GMPR: variants seen among roughly 807,000 people sequenced by gnomAD.
GMPR encodes GMP reductase 1.
A neutral mutation model predicts 38.4 loss-of-function variants in GMPR; 31 were observed. The ratio of observed to expected loss-of-function variants is 0.81; its 90% CI spans 0.61 to 1.09. The LOEUF (loss-of-function observed/expected upper bound fraction) is 1.09. Among genes scored for constraint, GMPR ranks in the 50% least tolerant of loss-of-function variants. GMPR has a pLI of 0.00. For missense variants in GMPR, 468 were observed against 453.7 expected, an observed-to-expected ratio of 1.03 and a Z score of -0.29; for synonymous variants, 162 against 173.3, an observed-to-expected ratio of 0.93 and a Z score of 0.51.
At chr6:16,286,489 T>C (rs900551554) in intron 7 of GMPR, among the ~76,000 whole-genome samples, 25 of 151,342 alleles carry the variant, frequency 1.7e-4, no homozygotes, top group African/African-American at 5.1e-4. Context: ...ATGGGCGTTG[T>C]GGGTGCCGGC....
chr6:16,290,736 G>A (rs1170638807), intron 8 of GMPR, 115 bp downstream of exon 8: 1 of 882,752 alleles, frequency 1.1e-6, no homozygotes, highest in African/African-American at 1.7e-5. Flanking sequence ...CCGTGGGAAG[G>A]GGTTCTTTTT....
chr6:16,289,408 T>C (rs1044516000), intron 7 of GMPR: 3 of 152,218 alleles, frequency 2.0e-5, no homozygotes, highest in African/African-American at 7.2e-5. Flanking sequence ...TTTTCCCACG[T>C]TTTTACTTTT....
intron 4 of GMPR, among the ~76,000 whole-genome samples, chr6:16,261,883 T>C (rs1222768915): frequency 6.6e-6 from 1 of 151,758 alleles, no homozygotes; most frequent in Admixed American, 6.7e-5. Context: ...GGCTTTGGAT[T>C]GGGAAGAAGG....
chr6:16,267,414 C>A (rs1055369523), intron 4 of GMPR, among the ~76,000 whole-genome samples: 2 of 151,952 alleles, frequency 1.3e-5, no homozygotes, highest in South Asian at 2.1e-4. Context: ...TCTGTGGCTT[C>A]ACTCCTGAAG....
chr6:16,271,942 G>C (rs1219616763), intron 4 of GMPR, among the ~76,000 whole-genome samples: 2 of 152,132 alleles, frequency 1.3e-5, no homozygotes, highest in Non-Finnish European at 2.9e-5. Context: ...TGGGTGCGGT[G>C]CCTCACACCT....
chr6:16,271,323 A>C (rs918551782), intron 4 of GMPR, among the ~76,000 whole-genome samples: 20 of 152,030 alleles, frequency 1.3e-4, no homozygotes, highest in Admixed American at 1.2e-3. Context: ...CTGTCTCTAC[A>C]GAAAATACAA....
At chr6:16,265,121 TAA>T (rs966164436) in intron 4 of GMPR, among the ~76,000 whole-genome samples, 2 of 151,988 alleles carry the variant, frequency 1.3e-5, no homozygotes, top group African/African-American at 4.8e-5. Context: ...ACTTCTTTGT[TAA>T]AAAAAAGTTT....
intron 1 of GMPR, among the ~76,000 whole-genome samples, chr6:16,240,838 C>T (rs1312248378): frequency 6.6e-6 from 1 of 152,080 alleles, no homozygotes; most frequent in East Asian, 1.9e-4. Context: ...TTTTTATGTT[C>T]GTGGGAGTTT....
At chr6:16,257,802 G>A (rs1371911774) in intron 4 of GMPR, among the ~76,000 whole-genome samples, 1 of 152,144 alleles carries the variant, frequency 6.6e-6, no homozygotes, top group Non-Finnish European at 1.5e-5. Context: ...CTCTTGTGAG[G>A]GCACTAATCG....
intron 7 of GMPR, among the ~76,000 whole-genome samples, chr6:16,288,645 C>T (rs1169719267): frequency 6.6e-6 from 1 of 152,236 alleles, no homozygotes; most frequent in East Asian, 1.9e-4. Context: ...AGTGCAGGCG[C>T]AGGGCGTGGG....
intron 5 of GMPR, among the ~76,000 whole-genome samples, chr6:16,277,282 T>C (rs1286215781): frequency 6.6e-6 from 1 of 152,204 alleles, no homozygotes; most frequent in Non-Finnish European, 1.5e-5. Flanking sequence ...GTTTCTCTGC[T>C]AAATCCAGGC....
At chr6:16,275,648 G>T (rs1482008518) in intron 5 of GMPR, among the ~76,000 whole-genome samples, 3 of 152,214 alleles carry the variant, frequency 2.0e-5, no homozygotes, top group African/African-American at 7.2e-5. Flanking sequence ...TTTCCAGGCT[G>T]CCTCCTCTTA....
chr6:16,264,596 TA>T (rs1162861758), intron 4 of GMPR: 1 of 151,234 alleles, frequency 6.6e-6, no homozygotes, highest in Non-Finnish European at 1.5e-5. Context: ...CGAAGGGAGA[TA>T]GGGGTGGGGC....
intron 4 of GMPR, among the ~76,000 whole-genome samples, chr6:16,266,195 G>C (rs539696654): frequency 6.7e-5 from 6 of 89,372 alleles, no homozygotes; most frequent in Non-Finnish European, 1.1e-4. Flanking sequence ...ATCTTTAAGA[G>C]CTGTAACACT....
intron 4 of GMPR, chr6:16,257,920 C>T (rs930489213): frequency 6.6e-6 from 1 of 152,224 alleles, no homozygotes. Flanking sequence ...GTGGGGGACA[C>T]AAACATTCAG....
At chr6:16,274,986 G>A (rs148609325) in intron 5 of GMPR, among the ~76,000 whole-genome samples, 25 of 152,250 alleles carry the variant, frequency 1.6e-4, no homozygotes, top group Non-Finnish European at 2.4e-4. Flanking sequence ...CACCTGATAC[G>A]TATTAGATGT....
intron 4 of GMPR, among the ~76,000 whole-genome samples, chr6:16,270,224 G>C (rs1248464027): frequency 2.0e-5 from 3 of 152,196 alleles, no homozygotes; most frequent in African/African-American, 7.2e-5. Flanking sequence ...TTGCCTTCCA[G>C]AGCATGGGGG....
rs567526341 is a variant in GMPR, at chr6:16,270,996, G to T, written c.466-3419G>T. Among the ~76,000 whole-genome samples the T allele has an allele frequency of 1.3e-3, 198 of 151,492 alleles. 1 individual carries two copies. The highest frequency in any genetic ancestry group is 2.3e-3 in the Non-Finnish European group (154 of 67,830). The stretch of plus-strand genomic sequence containing the variant: ...GAGGCCAGGAGTTAGAGACCAGCCT[G>T]GGCAACATAGCAAGGCCCTATCTCT... On this transcript the variant is annotated intron_variant, in intron 4 of 8. Transcript: ENST00000259727.
chr6:16,288,605 C>G (rs1213690913), intron 7 of GMPR, among the ~76,000 whole-genome samples: 2 of 146,724 alleles, frequency 1.4e-5, no homozygotes, highest in African/African-American at 2.7e-5. Flanking sequence ...TCCAAGGCCC[C>G]CAGTCCCGTC....
Sources: gnomAD v4.1 joint callset for allele counts (sites outside exome capture counted in the v4.1 genomes callset) on GRCh38, gnomAD v4.1.1 for gene constraint, MANE v1.5 for transcripts, NCBI Gene and HGNC (gene_info 2026-07-23, HGNC 2026-07-21) for gene names.